The following GNS variants were observed in gnomAD, a reference collection of about 807,000 sequenced individuals.
GNS encodes the protein N-acetylglucosamine-6-sulfatase.
A neutral mutation model predicts 69.7 loss-of-function variants in GNS; 40 were observed. That is an observed-to-expected ratio of 0.57 (90% CI 0.45 to 0.75). The LOEUF is 0.75. Among genes scored for constraint, GNS ranks in the 30% least tolerant of loss-of-function variants. The probability of loss-of-function intolerance (pLI) is 0.00; values close to 1 mark genes in which losing one functional copy is unlikely to be tolerated. For synonymous variants in GNS, 243 were observed against 251.6 expected, an observed-to-expected ratio of 0.97 and a Z score of 0.32; for missense variants, 565 against 685.5, an observed-to-expected ratio of 0.82 and a Z score of 1.96.
At chr12:64,733,237 G>A (rs1204437485) in intron 9 of GNS, among the ~76,000 whole-genome samples, 1 of 139,158 alleles carries the variant, frequency 7.2e-6, no homozygotes, top group Non-Finnish European at 1.5e-5. Flanking sequence ...GGTGGAGGAT[G>A]CAGTGAGCCA....
At chr12:64,744,165 A>T (rs1350580748) in intron 5 of GNS, among the ~76,000 whole-genome samples, 4 of 152,152 alleles carry the variant, frequency 2.6e-5, no homozygotes, top group Admixed American at 2.6e-4. Flanking sequence ...ACCCTAACTT[A>T]TTTCTCGAAC....
chr12:64,759,055 A>T, intron 1 of GNS, 30 bp downstream of exon 1: 2 of 1,526,522 alleles, frequency 1.3e-6, no homozygotes, highest in Non-Finnish European at 1.8e-6. Context: ...CCCAAGAGAT[A>T]GAGGGGCGGG....
At position 64,716,371 on chromosome 12, in the gene GNS, TTGTG is replaced by T. The variant is rs1332619838; in HGVS notation, c.*366_*369del. On this transcript the variant is annotated 3_prime_UTR_variant, in exon 14 of 14. Coordinates refer to ENST00000258145, the MANE Select transcript of GNS (RefSeq NM_002076.4). The stretch of plus-strand genomic sequence containing the variant: ...CATATCAAAAGGTGTGTCTGTGTGT[TTGTG>T]TGTGTCCTAAAGTACTGCCATTTAT... 6.1e-6 allele frequency: 2 copies of T among 328,116 alleles called. No individual in the cohort carries two copies. The highest frequency in any genetic ancestry group is 1.4e-4 in the East Asian group (2 of 14,070). The allele number at this position is 328,116 out of a possible 1,614,324, so 20.3% of individuals were successfully genotyped here.
intron 9 of GNS, among the ~76,000 whole-genome samples, chr12:64,736,136 A>G (rs909437185): frequency 6.6e-6 from 1 of 152,242 alleles, no homozygotes; most frequent in African/African-American, 2.4e-5. Flanking sequence ...GAGAGAAGAC[A>G]TAGCTGGTGG....
chr12:64,724,901 T>C (rs1464912257), intron 10 of GNS, among the ~76,000 whole-genome samples: 1 of 152,138 alleles, frequency 6.6e-6, no homozygotes, highest in Non-Finnish European at 1.5e-5. Flanking sequence ...CTGCCAAACC[T>C]GAGCCATGGA....
chr12:64,747,696 A>AG lies in GNS; in HGVS notation c.459+15dup. On this transcript the variant is annotated intron_variant, in intron 3 of 13. Transcript: ENST00000258145. ...TAAAAGCCATTATAAAAAAAGAAAC[A>AG]GATCATTCAACATACCTCATTTAAA... is the stretch of plus-strand genomic sequence containing the variant. 7.5e-7 allele frequency: 1 copy of AG among 1,334,730 alleles called. No homozygotes were observed. Among genetic ancestry groups the AG allele is most frequent in the Non-Finnish European group, 1.1e-6 (1 of 924,914 alleles). The allele number at this position is 1,334,730 out of a possible 1,614,324, so 82.7% of individuals were successfully genotyped here. A position where few individuals can be genotyped will look rare whatever the true frequency, so the allele number is the denominator to read the frequency against.
intron 12 of GNS, among the ~76,000 whole-genome samples, chr12:64,720,861 A>G (rs985289186): frequency 6.6e-6 from 1 of 152,170 alleles, no homozygotes; most frequent in African/African-American, 2.4e-5. Context: ...AGCTGCCCTC[A>G]CTCACACAAT....
intron 7 of GNS, 127 bp from the exon 8 acceptor site, chr12:64,739,626 A>C: frequency 1.5e-6 from 1 of 647,520 alleles, no homozygotes; most frequent in Non-Finnish European, 2.8e-6. Context: ...AAAATCCAAA[A>C]CAACCCCCGT....
chr12:64,729,758 T>C (rs1323646834), intron 9 of GNS, among the ~76,000 whole-genome samples: 1 of 152,120 alleles, frequency 6.6e-6, no homozygotes, highest in Admixed American at 6.6e-5. Flanking sequence ...TAATCCAGAG[T>C]AGCCTAATGG....
At chr12:64,739,844 C>A (rs1361512346) in intron 7 of GNS, among the ~76,000 whole-genome samples, 2 of 152,166 alleles carry the variant, frequency 1.3e-5, no homozygotes, top group South Asian at 2.1e-4. Context: ...AGAGTAGAGA[C>A]AATCGGAAGG....
intron 9 of GNS, among the ~76,000 whole-genome samples, chr12:64,735,446 A>T (rs1274466333): frequency 6.6e-6 from 1 of 152,242 alleles, no homozygotes; most frequent in African/African-American, 2.4e-5. Flanking sequence ...TCCCATACTA[A>T]ACACTCAATA....
intron 6 of GNS, among the ~76,000 whole-genome samples, chr12:64,742,028 T>C (rs1000421322): frequency 1.3e-5 from 2 of 152,342 alleles, no homozygotes; most frequent in Admixed American, 1.3e-4. Flanking sequence ...CTCATCTTAT[T>C]TTATTTTATT....
chr12:64,748,976 G>T (rs1387795176), intron 2 of GNS, among the ~76,000 whole-genome samples: 1 of 152,144 alleles, frequency 6.6e-6, no homozygotes. Flanking sequence ...GTCTCGCTGT[G>T]TCACGCAGGC....
intron 1 of GNS, among the ~76,000 whole-genome samples, chr12:64,757,881 C>T (rs1415677768): frequency 6.6e-6 from 1 of 152,202 alleles, no homozygotes. Flanking sequence ...AAGTTAGGAA[C>T]GTCTTGCCTG....
Position 64,747,773 on chromosome 12 carries a change from G to A in GNS, c.398C>T (p.Pro133Leu), listed in dbSNP as rs1869939886. Residue 133 changes from proline to leucine, a missense_variant, in exon 3 of 14, where the codon CCA (proline) becomes CTA (leucine). By Grantham distance (98) the Pro-to-Leu change is moderately conservative (BLOSUM62 -3). Coordinates refer to ENST00000258145, the MANE Select transcript of GNS (RefSeq NM_002076.4). ...WQKIQEPNTF[P>L]AILRSMCGYQ... ...ACCACACATTGATCTGAGAATTGCTGGGAAAGTATTTGGTTCTTGGATCTT... is the reference window on the plus strand; with the variant it reads ...ACCACACATTGATCTGAGAATTGCTAGGAAAGTATTTGGTTCTTGGATCTT... 1 of 1,612,618 alleles carries A rather than the reference G, an allele frequency of 6.2e-7. No individual in the cohort carries two copies. The highest frequency in any genetic ancestry group is 1.3e-5 in the African/African-American group (1 of 74,876).
chr12:64,719,390 C>T (rs1398658880), intron 13 of GNS, among the ~76,000 whole-genome samples: 1 of 152,160 alleles, frequency 6.6e-6, no homozygotes, highest in Non-Finnish European at 1.5e-5. Flanking sequence ...AAGGTTCCTG[C>T]CACCAGCAGC....
chr12:64,750,929 T>A (rs1273745825), intron 2 of GNS, among the ~76,000 whole-genome samples: 1 of 152,142 alleles, frequency 6.6e-6, no homozygotes, highest in African/African-American at 2.4e-5. Flanking sequence ...AAGAAAGAAA[T>A]GTATATAAAA....
chr12:64,752,655 A>G, intron 2 of GNS, 43 bp downstream of exon 2: 1 of 981,498 alleles, frequency 1.0e-6, no homozygotes, highest in South Asian at 1.3e-5. Flanking sequence ...TTAGAATACA[A>G]ACACAGTTAA....
Position 64,759,132 on chromosome 12 carries a change from C to G in GNS, c.145G>C (p.Val49Leu), listed in dbSNP as rs761375977. The G allele has an allele frequency of 8.0e-5, 125 of 1,561,686 alleles. No individual in the cohort carries two copies. Among genetic ancestry groups the G allele is most frequent in the Non-Finnish European group, 1.0e-4 (120 of 1,153,230 alleles). ...GVAAGTRRPN[V>L]VLLLTDDQDE... ...TGGTCGTCCGTGAGGAGCAGCACCA[C>G]GTTGGGCCTCCGGGTTCCCGCAGCC... Residue 49 changes from valine to leucine, a missense_variant, in exon 1 of 14, where the codon GTG (valine) becomes CTG (leucine). By Grantham distance (32) the Val-to-Leu change is conservative. Around this residue, in one of 2 missense-constraint regions of GNS, gnomAD observed 181 missense variants for 174.4 expected, o/e 1.04. Coordinates refer to ENST00000258145, the MANE Select transcript of GNS (RefSeq NM_002076.4).
Sources: allele counts gnomAD v4.1 joint callset (sites outside exome capture counted in the v4.1 genomes callset), GRCh38; gene constraint gnomAD v4.1.1; regional missense constraint gnomAD v4.1.1; transcripts MANE v1.5; gene names NCBI Gene and HGNC (gene_info 2026-07-23, HGNC 2026-07-21).